PRDM15: variants seen among roughly 807,000 people sequenced by gnomAD.
PRDM15 encodes PR domain zinc finger protein 15.
A neutral mutation model predicts 128.6 loss-of-function variants in PRDM15; 64 were observed. That is an observed-to-expected ratio of 0.50 (90% CI 0.41 to 0.61). The LOEUF (loss-of-function observed/expected upper bound fraction) is 0.61, where lower values mean the gene tolerates loss of function less well. Among genes scored for constraint, PRDM15 ranks in the 20% least tolerant of loss-of-function variants. The probability of loss-of-function intolerance (pLI) is 0.00; values close to 1 mark genes in which losing one functional copy is unlikely to be tolerated. For synonymous variants in PRDM15, 615 were observed against 621.8 expected, an observed-to-expected ratio of 0.99 and a Z score of 0.16; for missense variants, 1,242 against 1,569.1, an observed-to-expected ratio of 0.79 and a Z score of 3.52.
At position 41,810,880 on chromosome 21, in the gene PRDM15, TG is replaced by T. The variant is rs1195420899; in HGVS notation, c.2393-45del. On this transcript the variant is annotated intron_variant, in intron 19 of 23. Transcript: ENST00000398548. This position sits in a 1 kb window ranked among gnomAD's most constrained non-coding sequence, Gnocchi z 6.4. Reference sequence around the variant, plus strand: ...ATAACTTCCTACGTTTAATGAGTGTTGTAAGTCCACATCAGGGCATGTCTTC... The same window carrying T: ...ATAACTTCCTACGTTTAATGAGTGTTTAAGTCCACATCAGGGCATGTCTTC... 1 of 1,570,144 alleles carries T rather than the reference TG, an allele frequency of 6.4e-7. No individual in the cohort carries two copies. Among genetic ancestry groups the T allele is most frequent in the Admixed American group, 1.7e-5 (1 of 59,948 alleles).
intron 6 of PRDM15, among the ~76,000 whole-genome samples, chr21:41,846,820 G>C (rs2063279813): frequency 6.6e-6 from 1 of 152,236 alleles, no homozygotes; most frequent in Non-Finnish European, 1.5e-5. Context: ...CCCTGCCAGT[G>C]CTCCAGAGTC....
At chr21:41,872,943 C>T (rs1033280578) in intron 1 of PRDM15, among the ~76,000 whole-genome samples, 6 of 152,226 alleles carry the variant, frequency 3.9e-5, no homozygotes, top group South Asian at 4.1e-4. Flanking sequence ...GTGTGCTGCA[C>T]GTGCACGGGT....
At chr21:41,856,025 CCCTCCCCTCCCTTCCTTCCTTT>C (rs2063589302) in intron 4 of PRDM15, among the ~76,000 whole-genome samples, 2 of 4,164 alleles carry the variant, frequency 4.8e-4, no homozygotes, top group Non-Finnish European at 8.2e-4. Context: ...TTCCCTCCCT[CCCTCCCCTCCCTTCCTTCCTTT>C]CCTTCCTTCC....
intron 18 of PRDM15, 100 bp from the exon 19 acceptor site, chr21:41,815,936 C>A (rs189533533): frequency 6.8e-6 from 10 of 1,478,764 alleles, no homozygotes; most frequent in South Asian, 1.2e-5. Context: ...GCGGCCCGTG[C>A]GGTACTGGTG....
chr21:41,856,386 G>C (rs772586605), intron 4 of PRDM15, among the ~76,000 whole-genome samples: 1 of 149,910 alleles, frequency 6.7e-6, no homozygotes, highest in Non-Finnish European at 1.5e-5. Context: ...GCTTTCCAAA[G>C]GACTTCCAAA....
rs1475467249 is a variant in PRDM15 at position 41,811,943 on chromosome 21, A to T, written c.2393-1107T>A. ...CGCCTCGGCCTCCCAAAGTGCTGGG[A>T]TTACAAGCGTGAGCCACTGCGACCG... is the stretch of plus-strand genomic sequence containing the variant. On this transcript the variant is annotated intron_variant, in intron 19 of 23. Coordinates refer to ENST00000398548, the MANE Select transcript of PRDM15 (RefSeq NM_001040424.3). This position sits in a 1 kb window ranked among gnomAD's most constrained non-coding sequence, Gnocchi z 4.1. 2.6e-5 allele frequency: 4 copies of T among 152,218 alleles called. No homozygotes were observed. The highest frequency in any genetic ancestry group is 9.7e-5 in the African/African-American group (4 of 41,438). 9.4% of individuals were successfully genotyped at this position (152,218 alleles called of 1,614,324 possible).
At chr21:41,804,455 G>A in intron 22 of PRDM15, 79 bp downstream of exon 22, 1 of 1,175,822 alleles carries the variant, frequency 8.5e-7, no homozygotes, top group South Asian at 1.3e-5. Context: ...CTCCCGGCCT[G>A]TCCAAGCCCC....
At chr21:41,829,208 CAT>C (rs1433038988) in intron 11 of PRDM15, among the ~76,000 whole-genome samples, 24 of 139,776 alleles carry the variant, frequency 1.7e-4, no homozygotes, top group African/African-American at 6.6e-4. Context: ...CATACACATA[CAT>C]GTCACACACA....
intron 9 of PRDM15, 32 bp downstream of exon 9, chr21:41,836,435 GC>G: frequency 6.3e-7 from 1 of 1,587,548 alleles, no homozygotes; most frequent in Non-Finnish European, 8.6e-7. Flanking sequence ...CCTGGCCCTG[GC>G]CCCGGGCGCC....
At chr21:41,824,660 T>C (rs2062404747) in intron 13 of PRDM15, among the ~76,000 whole-genome samples, 1 of 152,192 alleles carries the variant, frequency 6.6e-6, no homozygotes, top group African/African-American at 2.4e-5. Flanking sequence ...CGCCCACCTC[T>C]GCCCTGTGCA....
chr21:41,801,376 T>C lies in PRDM15; in HGVS notation c.3290A>G (p.Asp1097Gly). The change falls in exon 24 of 24, where the codon GAC becomes GGC. Residue 1097 changes from aspartate (D) to glycine (G), a missense_variant. Around this residue, in one of 3 missense-constraint regions of PRDM15, gnomAD observed 602 missense variants for 788.3 expected, o/e 0.76. Coordinates refer to ENST00000398548, the MANE Select transcript of PRDM15 (RefSeq NM_001040424.3). ...TGCCCGCCACGTGAGCGGGTGCTGG[T>C]CACTAAGCTGGCTCCCCAGGGGCGT... Reference protein sequence around the residue: ...SITPLGSQLSDQHPLTWRAVP... With the variant: ...SITPLGSQLSGQHPLTWRAVP... The C allele has an allele frequency of 6.2e-7, 1 of 1,611,732 alleles. No individual in the cohort carries two copies. The highest frequency in any genetic ancestry group is 8.5e-7 in the Non-Finnish European group (1 of 1,178,126).
Position 41,879,204 on chromosome 21 carries a change from G to C in PRDM15, c.-10+66C>G, listed in dbSNP as rs1203262545. The C allele has an allele frequency of 1.3e-6, 1 of 775,854 alleles. No individual in the cohort carries two copies. The highest frequency in any genetic ancestry group is 1.3e-4 in the East Asian group (1 of 7,522). 48.1% of individuals were successfully genotyped at this position (775,854 alleles called of 1,614,324 possible). On this transcript the variant is annotated intron_variant, in intron 1 of 23. Transcript: ENST00000398548. This position sits in a 1 kb window ranked among gnomAD's most constrained non-coding sequence, Gnocchi z 5.1. ...CGCGCCGGGGCTCGCGGGGGCAGCG[G>C]GTGCGGCCCGGGGCCGGCGGGGCGC...
At position 41,799,257 on chromosome 21, in the gene PRDM15, G is replaced by C; in HGVS notation, c.*1983C>G. 1 of 152,298 alleles carries C rather than the reference G, an allele frequency of 6.6e-6. No homozygotes were observed. The highest frequency in any genetic ancestry group is 2.4e-5 in the African/African-American group (1 of 41,564). The allele number at this position is 152,298 out of a possible 1,614,324, so 9.4% of individuals were successfully genotyped here. ...CCTTTAGATTCTGCAAAGGCAAAAA[G>C]AAATCGATACTGATTTTTAAAAATA... On this transcript the variant is annotated 3_prime_UTR_variant, in exon 24 of 24. Coordinates refer to ENST00000398548, the MANE Select transcript of PRDM15 (RefSeq NM_001040424.3).
At chr21:41,860,975 A>G (rs957693521) in intron 1 of PRDM15, among the ~76,000 whole-genome samples, 3 of 152,150 alleles carry the variant, frequency 2.0e-5, no homozygotes, top group Admixed American at 6.5e-5. Flanking sequence ...AAACAAATAT[A>G]TCACCTTTTT....
intron 1 of PRDM15, among the ~76,000 whole-genome samples, chr21:41,861,342 A>C (rs780969443): frequency 3.3e-5 from 5 of 152,198 alleles, no homozygotes; most frequent in African/African-American, 7.2e-5. Flanking sequence ...ACACTTGCAT[A>C]GTGGGTAGAT....
At position 41,821,915 on chromosome 21, in the gene PRDM15, G is replaced by A; in HGVS notation, c.1884C>T (p.Cys628=). The A allele has an allele frequency of 1.9e-6, 3 of 1,614,114 alleles. No individual in the cohort carries two copies. Among genetic ancestry groups the A allele is most frequent in the Non-Finnish European group, 2.5e-6 (3 of 1,180,044 alleles). ...SADSEPHKYS[C]KRCQLTFGRG... ...AAACCCGCCATACCTGGCACCGCTT[G>A]CAGCTGTACTTGTGAGGCTCCGAGT... Residue 628 remains cysteine, a synonymous_variant, in exon 15 of 24, where the codon TGC becomes TGT. Coordinates refer to ENST00000398548, the MANE Select transcript of PRDM15 (RefSeq NM_001040424.3). This position sits in a 1 kb window ranked among gnomAD's most constrained non-coding sequence, Gnocchi z 5.4.
intron 22 of PRDM15, chr21:41,803,224 A>G: frequency 2.4e-6 from 1 of 411,354 alleles, no homozygotes; most frequent in South Asian, 2.7e-5. Context: ...GGTATTTCCA[A>G]AGGGAAATGT....
chr21:41,817,895 G>A (rs2062107126), intron 18 of PRDM15, among the ~76,000 whole-genome samples: 1 of 152,194 alleles, frequency 6.6e-6, no homozygotes, highest in African/African-American at 2.4e-5. Flanking sequence ...AAAAAACGAT[G>A]CAACTAAATA....
intron 4 of PRDM15, 120 bp downstream of exon 4, chr21:41,857,056 G>T: frequency 2.4e-6 from 2 of 836,382 alleles, no homozygotes; most frequent in Non-Finnish European, 3.8e-6. Context: ...TACAATATTT[G>T]GAGCTGTTTT....
Sources: gnomAD v4.1 joint callset for allele counts (sites outside exome capture counted in the v4.1 genomes callset) on GRCh38, gnomAD v4.1.1 for gene constraint, gnomAD v4.1.1 regional missense constraint, Gnocchi (gnomAD v3.1) non-coding constraint, MANE v1.5 for transcripts, NCBI Gene and HGNC (gene_info 2026-07-23, HGNC 2026-07-21) for gene names.